NRG3: variants seen among roughly 807,000 people sequenced by gnomAD.
NRG3 encodes neuregulin 3.
A neutral mutation model predicts 66.9 loss-of-function variants in NRG3; 31 were observed. The ratio of observed to expected loss-of-function variants is 0.46; its 90% CI spans 0.35 to 0.63. The LOEUF is 0.63. Among genes scored for constraint, NRG3 ranks in the 20% least tolerant of loss-of-function variants. The pLI, the probability that NRG3 is intolerant of heterozygous loss-of-function variation, is 0.00. For missense variants in NRG3, 910 were observed against 878.9 expected (o/e 1.04, Z -0.45); for synonymous variants, 393 against 359.4 (o/e 1.09, Z -1.06).
At chr10:82,965,512 G>T (rs1851125038) in intron 6 of NRG3, among the ~76,000 whole-genome samples, 1 of 152,110 alleles carries the variant, frequency 6.6e-6, no homozygotes, top group African/African-American at 2.4e-5. Context: ...AAGGCAGATG[G>T]ACCACTTGAA....
At chr10:82,539,685 G>A (rs963208463) in intron 2 of NRG3, among the ~76,000 whole-genome samples, 4 of 152,020 alleles carry the variant, frequency 2.6e-5, no homozygotes, top group African/African-American at 4.8e-5. Context: ...CCAGGCTGGA[G>A]TGCAGTGGCG....
chr10:82,620,144 A>C (rs894879051), intron 2 of NRG3, among the ~76,000 whole-genome samples: 1 of 152,164 alleles, frequency 6.6e-6, no homozygotes, highest in Non-Finnish European at 1.5e-5. Flanking sequence ...CCCAGAGGGC[A>C]TATTACAATG....
intron 1 of NRG3, among the ~76,000 whole-genome samples, chr10:82,241,288 A>T (rs1311996172): frequency 6.6e-6 from 1 of 152,134 alleles, no homozygotes; most frequent in Non-Finnish European, 1.5e-5. Context: ...CACACAGAAG[A>T]TCAAATTTCA....
At chr10:82,340,670 T>A (rs1232167383) in intron 1 of NRG3, 1 of 152,070 alleles carries the variant, frequency 6.6e-6, no homozygotes, top group East Asian at 1.9e-4. Context: ...TAATAGAAAT[T>A]CCCTGAGTCA....
chr10:82,939,292 T>C, intron 4 of NRG3, among the ~76,000 whole-genome samples: 1 of 152,218 alleles, frequency 6.6e-6, no homozygotes, highest in East Asian at 1.9e-4. Flanking sequence ...AGAATACAGA[T>C]GTTTATGAAT....
chr10:82,767,498 G>T (rs529903825), intron 3 of NRG3, among the ~76,000 whole-genome samples: 57 of 152,100 alleles, frequency 3.7e-4, no homozygotes, highest in African/African-American at 1.3e-3. Context: ...CTGTTCATCT[G>T]CTCTATTAAA....
chr10:82,142,740 T>C (rs2132659525), intron 1 of NRG3, among the ~76,000 whole-genome samples: 1 of 148,870 alleles, frequency 6.7e-6, no homozygotes, highest in East Asian at 2.0e-4. Context: ...CAATAAGATG[T>C]GAGAGTCCTC....
chr10:82,956,355 A>G (rs1850049681), intron 5 of NRG3, among the ~76,000 whole-genome samples: 1 of 151,874 alleles, frequency 6.6e-6, no homozygotes, highest in South Asian at 2.1e-4. Flanking sequence ...TGGTATTGCA[A>G]TCAGCTGCTG....
chr10:82,743,488 A>G (rs2058515326), intron 3 of NRG3, among the ~76,000 whole-genome samples: 1 of 152,118 alleles, frequency 6.6e-6, no homozygotes. Flanking sequence ...CCTAAAGAAA[A>G]GAAAAAAACA....
In NRG3 at chr10:82,708,120, C is replaced by G. The variant is rs150872679; in HGVS notation, c.954-30457C>G. Among the ~76,000 whole-genome samples the G allele has an allele frequency of 2.7e-3, 417 of 152,066 alleles. 4 individuals are homozygous for G. Among genetic ancestry groups the G allele is most frequent in the African/African-American group, 9.7e-3 (402 of 41,442 alleles). On this transcript the variant is annotated intron_variant, in intron 2 of 8. Transcript: ENST00000372141. ...GAACTCATATCCGTTTTTAATCTTA[C>G]GAATACTCTGCTATTTTTTTCAAAT...
At chr10:82,141,908 A>AGG (rs2069816339) in intron 1 of NRG3, among the ~76,000 whole-genome samples, 2 of 151,900 alleles carry the variant, frequency 1.3e-5, no homozygotes, top group Non-Finnish European at 2.9e-5. Context: ...CCAGAGGTGC[A>AGG]TACTACGTGA....
chr10:82,397,249 A>G (rs1239721051), intron 2 of NRG3, among the ~76,000 whole-genome samples: 1 of 152,162 alleles, frequency 6.6e-6, no homozygotes, highest in South Asian at 2.1e-4. Flanking sequence ...GGAACTTTTA[A>G]TGCTAATATT....
chr10:82,698,168 C>T (rs2055547353), intron 2 of NRG3, among the ~76,000 whole-genome samples: 1 of 127,432 alleles, frequency 7.8e-6, no homozygotes, highest in African/African-American at 2.5e-5. Context: ...CAGTTCATAA[C>T]ACGTTTGATT....
chr10:82,105,608 C>T (rs970723611), intron 1 of NRG3, among the ~76,000 whole-genome samples: 1 of 152,084 alleles, frequency 6.6e-6, no homozygotes, highest in Non-Finnish European at 1.5e-5. Context: ...TGTTTGTTTG[C>T]TTGTTGATGC....
chr10:82,932,367 C>G (rs1847657031), intron 4 of NRG3, among the ~76,000 whole-genome samples: 1 of 152,142 alleles, frequency 6.6e-6, no homozygotes, highest in Non-Finnish European at 1.5e-5. Flanking sequence ...TTATTCTTTC[C>G]ATAAATTCAA....
intron 3 of NRG3, among the ~76,000 whole-genome samples, chr10:82,831,581 C>T (rs1025794378): frequency 2.0e-5 from 3 of 152,030 alleles, no homozygotes; most frequent in Non-Finnish European, 2.9e-5. Flanking sequence ...TTTGGGAGGC[C>T]GAGGTAGGTG....
intron 2 of NRG3, among the ~76,000 whole-genome samples, chr10:82,630,362 T>C (rs2049736085): frequency 6.6e-6 from 1 of 150,852 alleles, no homozygotes; most frequent in Non-Finnish European, 1.5e-5. Flanking sequence ...TTTCTTTTTT[T>C]TTTTTTTTTT....
chr10:82,789,904 C>A (rs563867470), intron 3 of NRG3, among the ~76,000 whole-genome samples: 7 of 151,798 alleles, frequency 4.6e-5, no homozygotes, highest in Non-Finnish European at 1.0e-4. Context: ...TCACTTAAAA[C>A]AATGTAGGAA....
chr10:82,370,466 T>C (rs2084811090), intron 2 of NRG3, among the ~76,000 whole-genome samples: 1 of 138,136 alleles, frequency 7.2e-6, no homozygotes, highest in Non-Finnish European at 1.5e-5. Context: ...TCAGGGTTTA[T>C]ATGGGGGCAG....
Sources: gnomAD v4.1 joint callset for allele counts (sites outside exome capture counted in the v4.1 genomes callset) on GRCh38, gnomAD v4.1.1 for gene constraint, MANE v1.5 for transcripts, NCBI Gene and HGNC (gene_info 2026-07-23, HGNC 2026-07-21) for gene names.